Variants in DAB1 observed in about 807,000 individuals in gnomAD.
The protein encoded by DAB1 is DAB adaptor protein 1.
DAB1 carries 15 observed loss-of-function variants against 64.6 expected under a neutral mutation model. That is an observed-to-expected ratio of 0.23 (90% confidence interval 0.16 to 0.36). DAB1 has a LOEUF of 0.36. DAB1 is among the 10% of genes least tolerant of loss of function. The pLI is 1.00. For missense variants in DAB1, 596 were observed against 706.7 expected (o/e 0.84, Z 1.78); for synonymous variants, 235 against 251.9 (o/e 0.93, Z 0.64).
intron 2 of DAB1, among the ~76,000 whole-genome samples, chr1:57,203,331 A>C (rs1665259419): frequency 2.0e-5 from 3 of 152,084 alleles, no homozygotes; most frequent in East Asian, 1.9e-4. Flanking sequence ...TTTTGCTTGT[A>C]CATCCATTTC....
intron 3 of DAB1, among the ~76,000 whole-genome samples, chr1:58,428,845 T>C (rs1362096988): frequency 6.6e-6 from 1 of 152,138 alleles, no homozygotes; most frequent in Non-Finnish European, 1.5e-5. Flanking sequence ...AGTTATTAGA[T>C]AATAAATAAC....
In DAB1 at chr1:58,030,162, G is replaced by A. The variant is rs755340592; in HGVS notation, n.387+120349C>T. On this transcript the variant is annotated intron_variant and non_coding_transcript_variant, in intron 5 of 20. Coordinates refer to the DAB1 transcript ENST00000485760. Reference sequence around the variant, plus strand: ...GCAGAGGTTGCAGTGAGCCGAGATCGCACCACCACACTCCAGCCTGGGTGA... The same window carrying A: ...GCAGAGGTTGCAGTGAGCCGAGATCACACCACCACACTCCAGCCTGGGTGA... Among the ~76,000 whole-genome samples the A allele has an allele frequency of 5.3e-5, 8 of 152,088 alleles. 1 individual carries two copies. The South Asian group carries it at 1.2e-3, about 24-fold the overall frequency.
upstream of DAB1, chr1:57,884,140 A>G (rs912961265): frequency 6.6e-6 from 1 of 152,362 alleles, no homozygotes; most frequent in African/African-American, 2.4e-5. Context: ...AGGAATCGTC[A>G]TGGAGAGAAG....
chr1:58,219,199 C>G (rs1412737811), intron 4 of DAB1, among the ~76,000 whole-genome samples: 1 of 152,044 alleles, frequency 6.6e-6, no homozygotes, highest in African/African-American at 2.4e-5. Context: ...TCCTCTCCTC[C>G]CCTCCTCACA....
intron 6 of DAB1, among the ~76,000 whole-genome samples, chr1:57,669,579 GGACAGCTGCCCAGCAC>G (rs1162194277): frequency 1.3e-5 from 2 of 152,078 alleles, no homozygotes; most frequent in Admixed American, 6.6e-5. Flanking sequence ...CCTCACAGCA[GGACAGCTGCCCAGCAC>G]TGTATACTAG....
At chr1:57,355,332 C>T (rs1261974049) in intron 1 of DAB1, among the ~76,000 whole-genome samples, 1 of 151,082 alleles carries the variant, frequency 6.6e-6, no homozygotes, top group Non-Finnish European at 1.5e-5. Flanking sequence ...TCCTTCCTTC[C>T]TTCCATCCTC....
intron 4 of DAB1, among the ~76,000 whole-genome samples, chr1:57,076,058 G>A (rs1557676539): frequency 6.6e-6 from 1 of 152,176 alleles, no homozygotes; most frequent in African/African-American, 2.4e-5. Flanking sequence ...GGTCAAGACA[G>A]CATGGCCCTG....
At chr1:58,509,355 C>T (rs934836948) in intron 2 of DAB1, among the ~76,000 whole-genome samples, 1 of 150,610 alleles carries the variant, frequency 6.6e-6, no homozygotes, top group African/African-American at 2.4e-5. Context: ...AAGTACTAAA[C>T]AGAAATTCTG....
intron 7 of DAB1, among the ~76,000 whole-genome samples, chr1:57,501,118 T>C (rs1644284842): frequency 6.6e-6 from 1 of 152,216 alleles, no homozygotes; most frequent in Non-Finnish European, 1.5e-5. Context: ...GGACTGGTCT[T>C]GTGACTTGTT....
At chr1:58,523,582 A>G (rs913410036) in intron 2 of DAB1, among the ~76,000 whole-genome samples, 5 of 152,158 alleles carry the variant, frequency 3.3e-5, no homozygotes, top group African/African-American at 1.2e-4. Context: ...CCAGGTGACC[A>G]GAGGAATTGA....
chr1:58,225,428 G>A (rs1040409229), intron 4 of DAB1, among the ~76,000 whole-genome samples: 1 of 151,796 alleles, frequency 6.6e-6, no homozygotes, highest in African/African-American at 2.4e-5. Flanking sequence ...TCTAGAACTA[G>A]AAATACCATT....
chr1:57,096,104 A>G (rs984569913), intron 4 of DAB1, among the ~76,000 whole-genome samples: 8 of 152,144 alleles, frequency 5.3e-5, no homozygotes, highest in Non-Finnish European at 1.2e-4. Context: ...GATCATTGCT[A>G]TTATTATCTA....
chr1:57,146,165 C>T (rs1164328159), intron 2 of DAB1, among the ~76,000 whole-genome samples: 4 of 152,212 alleles, frequency 2.6e-5, no homozygotes, highest in African/African-American at 9.6e-5. Context: ...GCGCTTCATG[C>T]CAGATGTTCT....
At chr1:57,273,502 A>G (rs1002902750) in intron 2 of DAB1, among the ~76,000 whole-genome samples, 7 of 151,566 alleles carry the variant, frequency 4.6e-5, no homozygotes, top group African/African-American at 1.7e-4. Context: ...CCAACATCTA[A>G]GATGCATCCA....
At chr1:57,578,310 A>G (rs1645274126) in intron 7 of DAB1, among the ~76,000 whole-genome samples, 1 of 152,196 alleles carries the variant, frequency 6.6e-6, no homozygotes, top group African/African-American at 2.4e-5. Context: ...GGATCTGCAG[A>G]GATGATTCAT....
intron 7 of DAB1, among the ~76,000 whole-genome samples, chr1:57,636,115 AAAAAC>A (rs1646053198): frequency 3.4e-5 from 5 of 145,104 alleles, no homozygotes; most frequent in African/African-American, 1.3e-4. Flanking sequence ...AAAAAAAAAC[AAAAAC>A]AAAAAACTGG....
At chr1:58,363,513 GT>G (rs1434141949) in intron 3 of DAB1, among the ~76,000 whole-genome samples, 1 of 152,198 alleles carries the variant, frequency 6.6e-6, no homozygotes, top group Non-Finnish European at 1.5e-5. Flanking sequence ...TGCAAACTCA[GT>G]TTTGTTAGAA....
At chr1:57,918,097 A>T (rs1411952785) in intron 5 of DAB1, among the ~76,000 whole-genome samples, 2 of 150,568 alleles carry the variant, frequency 1.3e-5, no homozygotes, top group African/African-American at 4.9e-5. Context: ...AAATAAATAA[A>T]TAAATAAATA....
chr1:57,483,033 T>A (rs980763336), intron 7 of DAB1, among the ~76,000 whole-genome samples: 23 of 152,198 alleles, frequency 1.5e-4, no homozygotes, highest in Non-Finnish European at 2.5e-4. Flanking sequence ...GAGGATTGCT[T>A]ATGATATCTT....
Sources: gnomAD v4.1 joint callset for allele counts (sites outside exome capture counted in the v4.1 genomes callset) on GRCh38, gnomAD v4.1.1 for gene constraint, MANE v1.5 for transcripts, NCBI Gene and HGNC (gene_info 2026-07-23, HGNC 2026-07-21) for gene names.